Variants in AKT1 observed in about 807,000 individuals in gnomAD.
The protein encoded by AKT1 is RAC-alpha serine/threonine-protein kinase.
Under a neutral mutation model 63.1 loss-of-function variants are expected in AKT1, and 21 were observed. The observed-to-expected ratio is 0.33, with a 90% CI of 0.24 to 0.48. AKT1 has a LOEUF of 0.48. Among genes scored for constraint, AKT1 ranks in the 20% least tolerant of loss-of-function variants. The pLI, the probability that AKT1 is intolerant of heterozygous loss-of-function variation, is 0.99. For synonymous variants in AKT1, 257 were observed against 253.1 expected, an observed-to-expected ratio of 1.02 and a Z score of -0.15; for missense variants, 382 against 666.0, an observed-to-expected ratio of 0.57 and a Z score of 4.69.
intron 5 of AKT1, chr14:104,776,093 A>C: frequency 7.6e-6 from 2 of 261,652 alleles, no homozygotes; most frequent in Non-Finnish European, 1.3e-5. Context: ...CCCCCCAAGC[A>C]GGACTCCGCC....
At chr14:104,785,887 C>G (rs1893306369) in intron 3 of AKT1, among the ~76,000 whole-genome samples, 1 of 152,092 alleles carries the variant, frequency 6.6e-6, no homozygotes, top group African/African-American at 2.4e-5. Context: ...AGGGAAGCAC[C>G]TGGGTCTCAG....
At chr14:104,780,906 C>G (rs1892999468) in intron 3 of AKT1, among the ~76,000 whole-genome samples, 1 of 152,252 alleles carries the variant, frequency 6.6e-6, no homozygotes. Context: ...GGTGGCCCAG[C>G]CAGCTGGGCA....
chr14:104,787,372 T>C (rs1335758002), intron 3 of AKT1, among the ~76,000 whole-genome samples: 2 of 151,960 alleles, frequency 1.3e-5, no homozygotes, highest in African/African-American at 4.8e-5. Flanking sequence ...CCTGAGGCCA[T>C]GGGACTAGGC....
At chr14:104,789,273 C>A (rs1893501940) in intron 3 of AKT1, among the ~76,000 whole-genome samples, 1 of 152,250 alleles carries the variant, frequency 6.6e-6, no homozygotes, top group Admixed American at 6.5e-5. Flanking sequence ...CCTCTCCTGA[C>A]CCACTTGGTC....
chr14:104,781,554 G>A (rs1303369676), intron 3 of AKT1, among the ~76,000 whole-genome samples: 5 of 151,664 alleles, frequency 3.3e-5, no homozygotes, highest in East Asian at 1.9e-4. Flanking sequence ...ATAGAGGTGA[G>A]CCACCAAGGC....
At chr14:104,788,664 C>G (rs1893460623) in intron 3 of AKT1, among the ~76,000 whole-genome samples, 1 of 152,160 alleles carries the variant, frequency 6.6e-6, no homozygotes, top group African/African-American at 2.4e-5. Flanking sequence ...CTCTCCCTGC[C>G]TCAGTGCCCC....
At chr14:104,771,343 G>C (rs2494731) in intron 13 of AKT1, 95,835 of 241,766 alleles carry the variant, frequency 0.4, 19,989 homozygotes, top group East Asian at 0.59. Context: ...GACCCAGGAT[G>C]AAGGGTGACT....
Position 104,770,428 on chromosome 14 carries a change from T to G in AKT1, c.1364-8A>C. 1 of 1,594,132 alleles carries G rather than the reference T, an allele frequency of 6.3e-7. No individual in the cohort carries two copies. The highest frequency in any genetic ancestry group is 8.5e-7 in the Non-Finnish European group (1 of 1,171,070). On this transcript the variant is annotated splice_polypyrimidine_tract_variant and splice_region_variant and intron_variant, in intron 14 of 14. Coordinates refer to ENST00000649815, the MANE Select transcript of AKT1 (RefSeq NM_001382430.1). ...CACACTCCATGCTGTCATCTGTGGG[T>G]GTAGACAGCTCAGACCCCGGTGCCC...
intron 8 of AKT1, 167 bp downstream of exon 8, chr14:104,774,771 C>T (rs1408096673): frequency 1.3e-6 from 1 of 744,466 alleles, no homozygotes; most frequent in East Asian, 2.7e-5. Flanking sequence ...CCACACTGGG[C>T]ACCTCCACAG....
At position 104,770,856 on chromosome 14, in the gene AKT1, G is replaced by A. The variant is rs768546900; in HGVS notation, c.1261-9C>T. On this transcript the variant is annotated splice_polypyrimidine_tract_variant and intron_variant, in intron 13 of 14. Transcript: ENST00000649815. ...TTGAAGGGTGGGCTGAGCTGCAGAG[G>A]TGGGCAGACGGGACAGTCATGAGCT... 2.5e-6 allele frequency: 4 copies of A among 1,612,866 alleles called. No homozygotes were observed. The highest frequency in any genetic ancestry group is 8.5e-7 in the Non-Finnish European group (1 of 1,179,114).
intron 3 of AKT1, among the ~76,000 whole-genome samples, chr14:104,780,721 C>CT (rs398026489): frequency 9.9e-5 from 15 of 152,118 alleles, no homozygotes; most frequent in African/African-American, 3.6e-4. Flanking sequence ...CCGCCCCCCC[C>CT]GCCCCGCCGC....
rs757639898 is a variant in AKT1, at chr14:104,775,082, C to T, written c.561G>A (p.Val187=). The change falls in exon 7 of 15, where the codon GTG becomes GTA. Residue 187 remains valine, a synonymous_variant. Transcript: ENST00000649815. ...CCCACCGCCCCGGCCCCACCTTGGC[C>T]ACGATGACTTCCTTCTTGAGGATCT... is the stretch of plus-strand genomic sequence containing the variant. ...AMKILKKEVI[V]AKDEVAHTLT... is the part of the protein sequence containing the mutation. 7 of 1,613,992 alleles carry T rather than the reference C, an allele frequency of 4.3e-6. No individual in the cohort carries two copies. Among genetic ancestry groups the T allele is most frequent in the Non-Finnish European group, 5.9e-6 (7 of 1,180,024 alleles).
In AKT1 at chr14:104,770,172, G is replaced by T. The variant is rs921830745; in HGVS notation, c.*169C>A. 4 of 688,650 alleles carry T rather than the reference G, an allele frequency of 5.8e-6. No individual in the cohort carries two copies. Among genetic ancestry groups the T allele is most frequent in the Admixed American group, 2.4e-5 (1 of 41,678 alleles). The allele number at this position is 688,650 out of a possible 1,614,324, so 42.7% of individuals were successfully genotyped here. A position where few individuals can be genotyped will look rare whatever the true frequency, so the allele number is the denominator to read the frequency against. ...ATAGTTTTCTTCCCTACCCCGCTGCGGGGGAGGGTGCTGCCCACAGCACAA... is the reference window on the plus strand; with the variant it reads ...ATAGTTTTCTTCCCTACCCCGCTGCTGGGGAGGGTGCTGCCCACAGCACAA... On this transcript the variant is annotated 3_prime_UTR_variant, in exon 15 of 15. Transcript: ENST00000649815.
At chr14:104,771,513 G>A (rs982955848) in intron 13 of AKT1, 7 of 232,538 alleles carry the variant, frequency 3.0e-5, no homozygotes, top group Non-Finnish European at 2.5e-5. Flanking sequence ...CAGAGGTTGA[G>A]CACTGCCCAG....
Position 104,772,471 on chromosome 14 carries a change from G to A in AKT1, c.1173-19C>T, listed in dbSNP as rs764834795. 1.2e-5 allele frequency: 19 copies of A among 1,613,068 alleles called. No homozygotes were observed. The highest frequency in any genetic ancestry group is 1.5e-5 in the Non-Finnish European group (18 of 1,179,602). ...GCCAAGCCTGCAGGCAGGAAACAAGGCCACAGTGTCGGTACCGCCACCTGC... is the reference window on the plus strand; with the variant it reads ...GCCAAGCCTGCAGGCAGGAAACAAGACCACAGTGTCGGTACCGCCACCTGC... On this transcript the variant is annotated intron_variant, in intron 12 of 14. Transcript: ENST00000649815.
At position 104,769,581 on chromosome 14, in the gene AKT1, A is replaced by G; in HGVS notation, c.*760T>C. 1 of 533,828 alleles carries G rather than the reference A, an allele frequency of 1.9e-6. No homozygotes were observed. Among genetic ancestry groups the G allele is most frequent in the Non-Finnish European group, 3.6e-6 (1 of 275,262 alleles). The allele number at this position is 533,828 out of a possible 1,614,324, so 33.1% of individuals were successfully genotyped here. ...TCGAAAAGGTCAAGTGCTACCGTGG[A>G]GAGATCATCTGAGGGGGAGGCTCCC... On this transcript the variant is annotated 3_prime_UTR_variant, in exon 15 of 15. Transcript: ENST00000649815.
chr14:104,784,002 T>TC (rs1392745243), intron 3 of AKT1, among the ~76,000 whole-genome samples: 2 of 151,910 alleles, frequency 1.3e-5, no homozygotes, highest in East Asian at 3.9e-4. Flanking sequence ...GGTCCCACCT[T>TC]CCTGCCCCAT....
At chr14:104,784,444 C>T (rs1180649057) in intron 3 of AKT1, among the ~76,000 whole-genome samples, 1 of 152,148 alleles carries the variant, frequency 6.6e-6, no homozygotes, top group African/African-American at 2.4e-5. Flanking sequence ...TCCTCCTGCA[C>T]CTCCTGGGCC....
Position 104,772,895 on chromosome 14 carries a change from C to T in AKT1, c.1155G>A (p.Lys385=). ...GCCCTCACCTCTGCTTGGGGTCCTT[C>T]TTGAGCAGCCCTGAAAGCAAGGACT... ...EAKSLLSGLL[K]KDPKQRLGGG... is the part of the protein sequence containing the mutation. Residue 385 remains lysine, a synonymous_variant, in exon 12 of 15, where the codon AAG becomes AAA. Coordinates refer to ENST00000649815, the MANE Select transcript of AKT1 (RefSeq NM_001382430.1). 6.2e-7 allele frequency: 1 copy of T among 1,611,772 alleles called. No homozygotes were observed. The highest frequency in any genetic ancestry group is 8.5e-7 in the Non-Finnish European group (1 of 1,179,828).
Sources: gnomAD v4.1 joint callset for allele counts (sites outside exome capture counted in the v4.1 genomes callset) on GRCh38, gnomAD v4.1.1 for gene constraint, MANE v1.5 for transcripts, NCBI Gene and HGNC (gene_info 2026-07-23, HGNC 2026-07-21) for gene names.